The following PBX1 variants were observed in gnomAD, a reference collection of about 807,000 sequenced individuals.
PBX1 encodes pre-B-cell leukemia transcription factor 1.
PBX1 carries 6 observed loss-of-function variants against 53.4 expected under a neutral mutation model. That is an observed-to-expected ratio of 0.11 (90% CI 0.06 to 0.22). The LOEUF (loss-of-function observed/expected upper bound fraction) is 0.22, where lower values mean the gene tolerates loss of function less well. Among genes scored for constraint, PBX1 ranks in the 10% least tolerant of loss-of-function variants. The pLI, the probability that PBX1 is intolerant of heterozygous loss-of-function variation, is 1.00. For synonymous variants in PBX1, 204 were observed against 212.3 expected, an observed-to-expected ratio of 0.96 and a Z score of 0.34; for missense variants, 251 against 551.4, an observed-to-expected ratio of 0.46 and a Z score of 5.46.
intron 2 of PBX1, among the ~76,000 whole-genome samples, chr1:164,789,908 T>C (rs1438484591): frequency 6.6e-6 from 1 of 152,178 alleles, no homozygotes; most frequent in Non-Finnish European, 1.5e-5. Flanking sequence ...CCCAGCACAA[T>C]GTTTTGAATA....
At chr1:164,591,738 G>T (rs1263107033) in intron 2 of PBX1, among the ~76,000 whole-genome samples, 1 of 152,176 alleles carries the variant, frequency 6.6e-6, no homozygotes, top group Non-Finnish European at 1.5e-5. Context: ...CATTCTGTTA[G>T]CAGACTTGTG....
chr1:164,624,108 G>A (rs546462418), intron 2 of PBX1, among the ~76,000 whole-genome samples: 1 of 152,220 alleles, frequency 6.6e-6, no homozygotes, highest in South Asian at 2.1e-4. Flanking sequence ...AAAACCACAG[G>A]GCTAACTGTA....
At chr1:164,786,720 T>TGCGCGCGCGC (rs1553246258) in intron 2 of PBX1, among the ~76,000 whole-genome samples, 129 of 116,288 alleles carry the variant, frequency 1.1e-3, no homozygotes, top group East Asian at 4.2e-3. Flanking sequence ...TGTGTGTGTG[T>TGCGCGCGCGC]GCGCGCGCAC....
chr1:164,614,003 A>G (rs542287330), intron 2 of PBX1, among the ~76,000 whole-genome samples: 5 of 151,602 alleles, frequency 3.3e-5, no homozygotes, highest in South Asian at 4.2e-4. Flanking sequence ...AACTCCATCA[A>G]CTCCCAGGAT....
intron 2 of PBX1, among the ~76,000 whole-genome samples, chr1:164,674,119 G>A (rs1242398673): frequency 2.0e-5 from 3 of 152,154 alleles, no homozygotes; most frequent in Non-Finnish European, 4.4e-5. Context: ...TTGCCTTTTA[G>A]CCATCAGTCC....
chr1:164,821,735 T>C (rs1476973374), intron 8 of PBX1, 109 bp downstream of exon 8: 1 of 794,340 alleles, frequency 1.3e-6, no homozygotes, highest in East Asian at 2.7e-5. Flanking sequence ...ATCTTAGCTT[T>C]ACGGTCACCT....
rs1252341595 is a variant in PBX1 at position 164,857,736 on chromosome 1, A to G, written n.257+26253A>G. Among the ~76,000 whole-genome samples the G allele has an allele frequency of 3.3e-5, 5 of 152,252 alleles. No individual in the cohort carries two copies. In the South Asian group the frequency reaches 6.2e-4, roughly 19 times the overall value. ...ACCAGGAACTGGGGACAAAGACCAA[A>G]TTTCCCATTTTACCATAACTAATTA... is the stretch of plus-strand genomic sequence containing the variant. On this transcript the variant is annotated intron_variant and non_coding_transcript_variant, in intron 2 of 2. Coordinates refer to the PBX1 transcript ENST00000558796.
chr1:164,677,217 C>T (rs5014312), intron 2 of PBX1, among the ~76,000 whole-genome samples: 117,654 of 151,028 alleles, frequency 0.78, 46,292 homozygotes, highest in Non-Finnish European at 0.84. Context: ...CTCAGCCTCC[C>T]GAGTAGCTGG....
At chr1:164,806,676 GT>G (rs1669368917) in intron 4 of PBX1, among the ~76,000 whole-genome samples, 1 of 152,216 alleles carries the variant, frequency 6.6e-6, no homozygotes, top group Admixed American at 6.5e-5. Context: ...TTTGAGCTCA[GT>G]TCTTCATCGG....
chr1:164,587,675 T>G (rs1655041349), intron 2 of PBX1, among the ~76,000 whole-genome samples: 1 of 152,214 alleles, frequency 6.6e-6, no homozygotes, highest in Non-Finnish European at 1.5e-5. Flanking sequence ...CTCAGAAGAT[T>G]AATGAATAGT....
chr1:164,711,001 T>C lies in PBX1; in HGVS notation c.266-81493T>C, dbSNP rs370461896. Among the ~76,000 whole-genome samples the C allele has an allele frequency of 5.3e-4, 80 of 152,306 alleles. 1 individual carries two copies. Among genetic ancestry groups the C allele is most frequent in the African/African-American group, 1.7e-3 (72 of 41,564 alleles). On this transcript the variant is annotated intron_variant, in intron 2 of 8. Transcript: ENST00000420696. ...CAATAGGGGCAACACAGAGTGCATC[T>C]GCTGCTCAATGCAGGGAGAGATGCA...
Position 164,694,148 on chromosome 1 carries a change from G to A in PBX1, c.266-98346G>A, listed in dbSNP as rs147469649. ...CCCCTGCAGATTATGAAATCACCCA[G>A]TGGACAAATTCAGTCCTTATTCTAC... is the stretch of plus-strand genomic sequence containing the variant. On this transcript the variant is annotated intron_variant, in intron 2 of 8. Transcript: ENST00000420696. Among the ~76,000 whole-genome samples the A allele has an allele frequency of 4.5e-4, 69 of 152,144 alleles. 2 individuals carry two copies. The East Asian group carries it at 8.1e-3, about 18-fold the overall frequency.
intron 2 of PBX1, among the ~76,000 whole-genome samples, chr1:164,743,369 C>T (rs1346031841): frequency 6.6e-6 from 1 of 152,070 alleles, no homozygotes; most frequent in Non-Finnish European, 1.5e-5. Context: ...CCTCAGGACT[C>T]AAGGATATAA....
At chr1:164,626,224 G>C in intron 2 of PBX1, 1 of 453,110 alleles carries the variant, frequency 2.2e-6, no homozygotes, top group Non-Finnish European at 3.0e-6. Context: ...CATCTATCTT[G>C]ATGGCAGAAA....
chr1:164,770,354 G>C (rs114285573), intron 2 of PBX1: 26 of 152,286 alleles, frequency 1.7e-4, no homozygotes, highest in Non-Finnish European at 2.9e-4. Flanking sequence ...TTTCACTGTA[G>C]CCAGCTCTTT....
chr1:164,852,078 T>C (rs533730907), downstream of PBX1, among the ~76,000 whole-genome samples: 1 of 152,286 alleles, frequency 6.6e-6, no homozygotes, highest in African/African-American at 2.4e-5. Flanking sequence ...CCCCATCTTG[T>C]CTGCTTGCTA....
chr1:164,626,132 G>A (rs1435245951), intron 2 of PBX1: 13 of 1,017,920 alleles, frequency 1.3e-5, no homozygotes, highest in Non-Finnish European at 1.5e-5. Flanking sequence ...TGAATGGCCA[G>A]TTGACTTGAG....
intron 2 of PBX1, among the ~76,000 whole-genome samples, chr1:164,584,525 C>G (rs903321260): frequency 3.3e-5 from 5 of 152,162 alleles, no homozygotes; most frequent in Admixed American, 2.6e-4. Flanking sequence ...CAGTTAAGTG[C>G]TCAGAGAGAA....
At chr1:164,738,972 T>C (rs1290952172) in intron 2 of PBX1, among the ~76,000 whole-genome samples, 1 of 152,222 alleles carries the variant, frequency 6.6e-6, no homozygotes. Context: ...TTGTAGACAG[T>C]ATTTTTGTAA....
Sources: gnomAD v4.1 joint callset for allele counts (sites outside exome capture counted in the v4.1 genomes callset) on GRCh38, gnomAD v4.1.1 for gene constraint, MANE v1.5 for transcripts, NCBI Gene and HGNC (gene_info 2026-07-23, HGNC 2026-07-21) for gene names.